The following CAMTA1 variants were observed in gnomAD, a reference collection of about 807,000 sequenced individuals.
CAMTA1 encodes calmodulin-binding transcription activator 1.
Under a neutral mutation model 170.9 loss-of-function variants are expected in CAMTA1, and 27 were observed. That is an observed-to-expected ratio of 0.16 (90% CI 0.12 to 0.22). The LOEUF is 0.22. Among genes scored for constraint, CAMTA1 ranks in the 10% least tolerant of loss-of-function variants. CAMTA1 has a pLI of 1.00. For missense variants in CAMTA1, 1,619 were observed against 2,217.2 expected (o/e 0.73, Z 5.42); for synonymous variants, 833 against 891.5 (o/e 0.93, Z 1.17).
At chr1:7,049,488 G>A (rs187993228) in intron 3 of CAMTA1, among the ~76,000 whole-genome samples, 167 of 152,102 alleles carry the variant, frequency 1.1e-3, no homozygotes, top group African/African-American at 3.8e-3. Flanking sequence ...ATGGAGTCTC[G>A]CTCTGTTGCC....
At chr1:6,992,810 A>C (rs1013952256) in intron 3 of CAMTA1, among the ~76,000 whole-genome samples, 9 of 152,188 alleles carry the variant, frequency 5.9e-5, no homozygotes, top group Non-Finnish European at 1.2e-4. Context: ...ACCTCCCACC[A>C]GGCCCCTCCT....
chr1:7,281,610 G>T (rs1180370382), intron 5 of CAMTA1, among the ~76,000 whole-genome samples: 1 of 152,190 alleles, frequency 6.6e-6, no homozygotes, highest in Non-Finnish European at 1.5e-5. Flanking sequence ...TGCAGACTGT[G>T]AGTATCAATA....
At chr1:7,392,959 G>A (rs1184070492) in intron 5 of CAMTA1, among the ~76,000 whole-genome samples, 8 of 151,648 alleles carry the variant, frequency 5.3e-5, no homozygotes, top group South Asian at 2.1e-4. Flanking sequence ...AAGCTGAGGC[G>A]AGAGGATCAT....
chr1:6,881,560 G>A (rs915816379), intron 3 of CAMTA1, among the ~76,000 whole-genome samples: 1 of 152,190 alleles, frequency 6.6e-6, no homozygotes, highest in Admixed American at 6.5e-5. Context: ...GAGGGGAGGA[G>A]CCAGGAAGTA....
intron 3 of CAMTA1, among the ~76,000 whole-genome samples, chr1:6,833,389 C>T (rs1651323507): frequency 1.3e-5 from 2 of 151,992 alleles, no homozygotes; most frequent in African/African-American, 4.8e-5. Context: ...AGTTCTTTTG[C>T]AAATATAAAA....
chr1:7,701,612 A>C (rs1322346320), intron 11 of CAMTA1, among the ~76,000 whole-genome samples: 1 of 151,694 alleles, frequency 6.6e-6, no homozygotes, highest in African/African-American at 2.4e-5. Flanking sequence ...TAGAGAGGAG[A>C]TCTCACCATG....
chr1:7,643,197 T>G (rs2095778654), intron 7 of CAMTA1, among the ~76,000 whole-genome samples: 1 of 149,988 alleles, frequency 6.7e-6, no homozygotes, highest in Non-Finnish European at 1.5e-5. Flanking sequence ...CTGGCCTTTC[T>G]GAGCCTTCTG....
chr1:7,393,924 C>T (rs2089004803), intron 5 of CAMTA1, among the ~76,000 whole-genome samples: 1 of 152,190 alleles, frequency 6.6e-6, no homozygotes, highest in Non-Finnish European at 1.5e-5. Context: ...TAAGATTCCA[C>T]ATATGGATGA....
rs555353932 is a variant in CAMTA1, at chr1:7,071,285, C to T, written c.235-20019C>T. ...CAAATGGCCTGATAGGTGACAAAAGCAAACAATAGACTCACTTGAAAGATA... is the reference window on the plus strand; with the variant it reads ...CAAATGGCCTGATAGGTGACAAAAGTAAACAATAGACTCACTTGAAAGATA... On this transcript the variant is annotated intron_variant, in intron 3 of 22. Transcript: ENST00000303635. 2.0e-5 allele frequency among the ~76,000 whole-genome samples: 3 copies of T among 152,238 alleles called. No individual in the cohort carries two copies. In the South Asian group the frequency reaches 6.2e-4, roughly 32 times the overall value.
chr1:6,925,651 G>T (rs1682944265), intron 3 of CAMTA1, among the ~76,000 whole-genome samples: 1 of 152,148 alleles, frequency 6.6e-6, no homozygotes. Flanking sequence ...GGTTCCTTCT[G>T]CAGAGAGGCT....
chr1:7,038,793 A>G (rs1704008394), intron 3 of CAMTA1, among the ~76,000 whole-genome samples: 2 of 152,252 alleles, frequency 1.3e-5, no homozygotes, highest in African/African-American at 2.4e-5. Context: ...TAATCCCAGC[A>G]CTTTGGGAGG....
At chr1:7,125,713 G>A (rs572711039) in intron 4 of CAMTA1, among the ~76,000 whole-genome samples, 171 of 152,280 alleles carry the variant, frequency 1.1e-3, no homozygotes, top group African/African-American at 4.0e-3. Context: ...AGCAGGAGCA[G>A]CATGTAGGGT....
rs777365010 is a variant in CAMTA1 at position 7,736,433 on chromosome 1, G to A, written c.3156G>A (p.Ala1052=). The A allele has an allele frequency of 7.4e-6, 12 of 1,614,070 alleles. No homozygotes were observed. The highest frequency in any genetic ancestry group is 1.3e-5 in the African/African-American group (1 of 75,018). Residue 1052 remains alanine, a synonymous_variant, in exon 13 of 23, where the codon GCG becomes GCA. Transcript: ENST00000303635. This position sits in a 1 kb window ranked among gnomAD's most constrained non-coding sequence, Gnocchi z 4.5. ...AGATGATGAGCCGAGCCTGCTGGGC[G>A]AAGTCCAAGCACTTGATCCACTCAA... The part of the protein sequence containing the change: ...CEKMMSRACW[A]KSKHLIHSKT...
intron 5 of CAMTA1, among the ~76,000 whole-genome samples, chr1:7,288,009 T>C (rs1672589423): frequency 6.6e-6 from 1 of 152,232 alleles, no homozygotes. Context: ...TCCAGTTAGT[T>C]TGGTGACTAG....
intron 1 of CAMTA1, among the ~76,000 whole-genome samples, chr1:6,813,594 T>C (rs939490120): frequency 2.0e-5 from 3 of 152,078 alleles, no homozygotes; most frequent in Non-Finnish European, 2.9e-5. Flanking sequence ...ATTGCTGGAC[T>C]GAGAGGTCGT....
chr1:7,634,596 G>A lies in CAMTA1; in HGVS notation c.511-5804G>A, dbSNP rs1354246152. 6.6e-6 allele frequency among the ~76,000 whole-genome samples: 1 copy of A among 151,936 alleles called. No homozygotes were observed. The highest frequency in any genetic ancestry group is 1.5e-5 in the Non-Finnish European group (1 of 67,978). ...GGAGAGAGGGAAAGAGGGAGAAAGA[G>A]AGCGAGAGAGAGGGAGGCCAGAGCC... On this transcript the variant is annotated intron_variant, in intron 6 of 22. Transcript: ENST00000303635. This position sits in a 1 kb window ranked among gnomAD's most constrained non-coding sequence, Gnocchi z 6.2.
chr1:7,600,107 T>A (rs1473941356), intron 6 of CAMTA1, among the ~76,000 whole-genome samples: 4 of 152,352 alleles, frequency 2.6e-5, no homozygotes, highest in South Asian at 2.1e-4. Context: ...GATTTTGAGA[T>A]ACGTCCCATC....
chr1:6,858,265 T>C (rs1311047381), intron 3 of CAMTA1, among the ~76,000 whole-genome samples: 2 of 152,236 alleles, frequency 1.3e-5, no homozygotes, highest in East Asian at 3.8e-4. Context: ...TTTTGTTTAC[T>C]GTATGTTTCT....
intron 4 of CAMTA1, among the ~76,000 whole-genome samples, chr1:7,123,983 C>T (rs903641061): frequency 3.9e-5 from 6 of 152,140 alleles, no homozygotes. Flanking sequence ...ATGAGAATGT[C>T]ACCCCACAGC....
Sources: allele counts gnomAD v4.1 joint callset (sites outside exome capture counted in the v4.1 genomes callset), GRCh38; gene constraint gnomAD v4.1.1; non-coding constraint Gnocchi (gnomAD v3.1); transcripts MANE v1.5; gene names NCBI Gene and HGNC (gene_info 2026-07-23, HGNC 2026-07-21).